DIDO1: variants seen among roughly 807,000 people sequenced by gnomAD.
DIDO1 encodes the protein death-inducer obliterator 1.
A neutral mutation model predicts 99.4 loss-of-function variants in DIDO1; 16 were observed. The ratio of observed to expected loss-of-function variants is 0.16; its 90% CI spans 0.11 to 0.24. The LOEUF (loss-of-function observed/expected upper bound fraction) is 0.24, where lower values mean the gene tolerates loss of function less well. Among genes scored for constraint, DIDO1 ranks in the 10% least tolerant of loss-of-function variants. DIDO1 has a pLI of 1.00. For synonymous variants in DIDO1, 1,366 were observed against 1,239.1 expected, an observed-to-expected ratio of 1.10 and a Z score of -2.15; for missense variants, 2,996 against 3,014.0, an observed-to-expected ratio of 0.99 and a Z score of 0.14.
At position 62,877,828 on chromosome 20, in the gene DIDO1, T is replaced by A. The variant is rs1021307835; in HGVS notation, c.*1405A>T. The A allele has an allele frequency of 6.6e-6, 1 of 152,210 alleles. No homozygotes were observed. Among genetic ancestry groups the A allele is most frequent in the East Asian group, 1.9e-4 (1 of 5,198 alleles). The allele number at this position is 152,210 out of a possible 1,614,324, so 9.4% of individuals were successfully genotyped here. On this transcript the variant is annotated 3_prime_UTR_variant, in exon 16 of 16. Transcript: ENST00000395343. ...TACAGTGATATAAGCCTCCGCAATA[T>A]AAAATACAATGTACAGGAATCTCTA... is the stretch of plus-strand genomic sequence containing the variant.
intron 6 of DIDO1, among the ~76,000 whole-genome samples, chr20:62,898,308 C>T (rs1017565570): frequency 1.3e-5 from 2 of 152,308 alleles, no homozygotes; most frequent in South Asian, 4.1e-4. Flanking sequence ...ACGTTGGCAG[C>T]GGGTGCCAGC....
intron 15 of DIDO1, among the ~76,000 whole-genome samples, chr20:62,882,991 C>T (rs1256524238): frequency 1.4e-5 from 2 of 141,316 alleles, no homozygotes; most frequent in South Asian, 2.3e-4. Flanking sequence ...GGCGCGAGCT[C>T]GGCTCACTAT....
At chr20:62,924,601 G>A (rs1190708714) in intron 1 of DIDO1, among the ~76,000 whole-genome samples, 1 of 152,098 alleles carries the variant, frequency 6.6e-6, no homozygotes, top group Non-Finnish European at 1.5e-5. Context: ...CGAACAAAAC[G>A]GGAGCCAATG....
chr20:62,891,309 G>A (rs189908968), intron 14 of DIDO1, among the ~76,000 whole-genome samples, 154 bp from the exon 15 acceptor site: 16 of 152,278 alleles, frequency 1.1e-4, no homozygotes, highest in Non-Finnish European at 1.3e-4. Flanking sequence ...GGCAATTCAC[G>A]TGACATGTGA....
In DIDO1 at chr20:62,911,645, A is replaced by T. The variant is rs771830724; in HGVS notation, c.-2-31T>A. ...GGTAAAGTGTAAGCACATAGTGACC[A>T]ACTGACCACAGAACAAAAGGTGACA... On this transcript the variant is annotated intron_variant, in intron 2 of 15. Transcript: ENST00000395343. The surrounding 1 kb of genome is among the most constrained non-coding windows in gnomAD (Gnocchi z 7.0). The T allele has an allele frequency of 1.3e-6, 2 of 1,505,042 alleles. No individual in the cohort carries two copies. Among genetic ancestry groups the T allele is most frequent in the East Asian group, 4.6e-5 (2 of 43,548 alleles). 93.2% of individuals were successfully genotyped at this position (1,505,042 alleles called of 1,614,324 possible).
At chr20:62,919,110 T>G (rs1173644036) in intron 1 of DIDO1, among the ~76,000 whole-genome samples, 1 of 152,238 alleles carries the variant, frequency 6.6e-6, no homozygotes, top group African/African-American at 2.4e-5. Flanking sequence ...GAAAGAGATT[T>G]GGGCCCACAA....
intron 4 of DIDO1, among the ~76,000 whole-genome samples, 155 bp from the exon 5 acceptor site, chr20:62,907,514 C>T (rs2064834097): frequency 6.6e-6 from 1 of 152,244 alleles, no homozygotes; most frequent in Admixed American, 6.5e-5. Flanking sequence ...TTTGTTGATT[C>T]AAGCTATGAA....
chr20:62,881,723 T>C lies in DIDO1; in HGVS notation c.4233A>G (p.Glu1411=). Residue 1411 remains glutamate (E), a synonymous_variant, in exon 16 of 16, where the codon GAA becomes GAG. Transcript: ENST00000395343. The surrounding 1 kb of genome is among the most constrained non-coding windows in gnomAD (Gnocchi z 8.3). The part of the protein sequence containing the change: ...LVERGRRHEV[E]RAPEAAAAER... The stretch of plus-strand genomic sequence containing the variant: ...CGGCTGCAGCTGCTTCAGGAGCCCT[T>C]TCCACCTCGTGGCGCCGCCCTCGCT... The C allele has an allele frequency of 6.2e-7, 1 of 1,612,986 alleles. No homozygotes were observed. Among genetic ancestry groups the C allele is most frequent in the Non-Finnish European group, 8.5e-7 (1 of 1,180,020 alleles).
intron 12 of DIDO1, 150 bp from the exon 13 acceptor site, chr20:62,893,112 G>T: frequency 2.5e-6 from 2 of 802,600 alleles, no homozygotes; most frequent in Non-Finnish European, 3.8e-6. Flanking sequence ...TGCAGTCTCC[G>T]CCTCCCAGGC....
intron 3 of DIDO1, 31 bp from the exon 4 acceptor site, chr20:62,910,051 G>C (rs770228875): frequency 6.3e-7 from 1 of 1,586,030 alleles, no homozygotes; most frequent in Admixed American, 1.7e-5. Context: ...TATTAGCAAT[G>C]GGACGTGAGT....
rs573155350 is a variant in DIDO1 at position 62,906,078 on chromosome 20, A to G, written c.1397T>C (p.Val466Ala). ...GAQAGIKISS[V>A]HKRPAPEKKE... ...TTTTTCTGGAGCTGGTCTCTTGTGC[A>G]CAGAAGAGATTTTAATACCTGCCTG... The change falls in exon 6 of 16, where the codon GTG (valine) becomes GCG (alanine). Residue 466 changes from valine (V) to alanine (A), a missense_variant. Coordinates refer to ENST00000395343, the MANE Select transcript of DIDO1 (RefSeq NM_001193369.2). 1.5e-5 allele frequency: 24 copies of G among 1,611,582 alleles called. No homozygotes were observed. Among genetic ancestry groups the G allele is most frequent in the Non-Finnish European group, 2.0e-5 (23 of 1,179,032 alleles).
intron 12 of DIDO1, 111 bp from the exon 13 acceptor site, chr20:62,893,073 C>T: frequency 8.2e-7 from 1 of 1,221,602 alleles, no homozygotes; most frequent in East Asian, 2.5e-5. Flanking sequence ...GTCATGCAGG[C>T]TGGAGTGCGG....
chr20:62,882,590 A>AGGAACGCACCGCCCTG (rs1555837503), intron 15 of DIDO1, among the ~76,000 whole-genome samples, 176 bp from the exon 16 acceptor site: 1 of 150,790 alleles, frequency 6.6e-6, no homozygotes, highest in African/African-American at 2.5e-5. Flanking sequence ...ATTCCGCCCC[A>AGGAACGCACCGCCCTG]GGAACGCACC....
rs2064481342 is a variant in DIDO1, at chr20:62,894,814, G to A, written c.2432C>T (p.Ser811Leu). The change falls in exon 10 of 16, where the codon TCA (serine) becomes TTA (leucine). Residue 811 changes from serine to leucine, a missense_variant. By Grantham distance (145) the Ser-to-Leu change is moderately radical (BLOSUM62 -2). This residue lies in a region of DIDO1 where 898 missense variants were observed against 972.7 expected (regional missense o/e 0.92). Transcript: ENST00000395343. The surrounding 1 kb of genome is among the most constrained non-coding windows in gnomAD (Gnocchi z 4.4). ...DLEDSPPVSD[S>L]EEQQESARAV... The stretch of plus-strand genomic sequence containing the variant: ...CAAAATCTCCCAAATGCTTACCTCT[G>A]AATCCGACACTGGCGGAGAGTCCTC... The A allele has an allele frequency of 1.2e-6, 2 of 1,611,918 alleles. No individual in the cohort carries two copies. Among genetic ancestry groups the A allele is most frequent in the Non-Finnish European group, 1.7e-6 (2 of 1,179,450 alleles).
chr20:62,889,210 C>T (rs1217713801), intron 15 of DIDO1: 2 of 985,446 alleles, frequency 2.0e-6, no homozygotes, highest in Non-Finnish European at 2.4e-6. Flanking sequence ...GCTGGGAGAC[C>T]TGTCCTTTCC....
At position 62,880,794 on chromosome 20, in the gene DIDO1, C is replaced by T. The variant is rs1412784451; in HGVS notation, c.5162G>A (p.Gly1721Glu). ...GGGTCTGGCCTGTGGCTCTCTGTCC[C>T]CCTCTGTTTCACCTGCAGGGCTGCT... ...RSSSPAGETEGDREPQARPGE... is the reference protein window; with the variant it reads ...RSSSPAGETEEDREPQARPGE... Residue 1721 changes from glycine to glutamate, a missense_variant, in exon 16 of 16, where the codon GGG becomes GAG. By Grantham distance (98) the Gly-to-Glu change is moderately conservative. Coordinates refer to ENST00000395343, the MANE Select transcript of DIDO1 (RefSeq NM_001193369.2). 2.5e-6 allele frequency: 4 copies of T among 1,612,654 alleles called. No homozygotes were observed. Among genetic ancestry groups the T allele is most frequent in the East Asian group, 2.2e-5 (1 of 44,866 alleles).
rs1478946125 is a variant in DIDO1 at position 62,880,652 on chromosome 20, G to A, written c.5304C>T (p.Gly1768=). 8.1e-6 allele frequency: 13 copies of A among 1,612,838 alleles called. No individual in the cohort carries two copies. Among genetic ancestry groups the A allele is most frequent in the Non-Finnish European group, 1.1e-5 (13 of 1,179,988 alleles). The change falls in exon 16 of 16, where the codon GGC becomes GGT. Residue 1768 remains glycine, a synonymous_variant. Transcript: ENST00000395343. ...PHALGMSGLH[G]PNFPGPRGPA... ...GCCCCCTTGGTCCCGGGAAATTGGG[G>A]CCGTGAAGCCCTGACATCCCCAAAG...
Position 62,879,042 on chromosome 20 carries a change from AGTTT to A in DIDO1, c.*187_*190del, listed in dbSNP as rs1175926536. 4.0e-6 allele frequency: 2 copies of A among 498,886 alleles called. No individual in the cohort carries two copies. The highest frequency in any genetic ancestry group is 3.3e-6 in the Non-Finnish European group (1 of 304,134). The allele number at this position is 498,886 out of a possible 1,614,324, so 30.9% of individuals were successfully genotyped here. ...ATTTTAAATGGAAATATTAAAGTTTAGTTTTTTTAAAAAAGCATCAGAATTGTAA... is the reference window on the plus strand; with the variant it reads ...ATTTTAAATGGAAATATTAAAGTTTATTTTAAAAAAGCATCAGAATTGTAA... On this transcript the variant is annotated 3_prime_UTR_variant, in exon 16 of 16. Transcript: ENST00000395343. The surrounding 1 kb of genome is among the most constrained non-coding windows in gnomAD (Gnocchi z 6.3).
At position 62,922,460 on chromosome 20, in the gene DIDO1, G is replaced by A. The variant is rs75925385; in HGVS notation, c.-200+3979C>T. ...GGGGGGCTCACTCAAGGGGGAACCT[G>A]TCTATGAATGCAGGGTTCAACCCCA... On this transcript the variant is annotated intron_variant, in intron 1 of 15. Transcript: ENST00000395343. Among the ~76,000 whole-genome samples, 40 of 152,172 alleles carry A rather than the reference G, an allele frequency of 2.6e-4. No homozygotes were observed. The East Asian group carries it at 6.9e-3, about 26-fold the overall frequency.
Sources: allele counts gnomAD v4.1 joint callset (sites outside exome capture counted in the v4.1 genomes callset), GRCh38; gene constraint gnomAD v4.1.1; regional missense constraint gnomAD v4.1.1; non-coding constraint Gnocchi (gnomAD v3.1); transcripts MANE v1.5; gene names NCBI Gene and HGNC (gene_info 2026-07-23, HGNC 2026-07-21).